The following CACNA2D1 variants were observed in gnomAD, a reference collection of about 807,000 sequenced individuals.
CACNA2D1 encodes voltage-dependent calcium channel subunit alpha-2/delta-1.
CACNA2D1 carries 53 observed loss-of-function variants against 171.5 expected under a neutral mutation model. The observed-to-expected ratio is 0.31, with a 90% CI of 0.25 to 0.39. The LOEUF (loss-of-function observed/expected upper bound fraction) is 0.39, where lower values mean the gene tolerates loss of function less well. Among genes scored for constraint, CACNA2D1 ranks in the 10% least tolerant of loss-of-function variants. CACNA2D1 has a pLI of 1.00. For synonymous variants in CACNA2D1, 442 were observed against 443.1 expected, an observed-to-expected ratio of 1.00 and a Z score of 0.03; for missense variants, 903 against 1,299.8, an observed-to-expected ratio of 0.69 and a Z score of 4.69.
chr7:82,371,732 C>G (rs539068979), intron 1 of CACNA2D1, among the ~76,000 whole-genome samples: 15 of 152,136 alleles, frequency 9.9e-5, no homozygotes, highest in Admixed American at 9.8e-4. Flanking sequence ...ACACCACCAT[C>G]CCCGGCTATT....
intron 3 of CACNA2D1, among the ~76,000 whole-genome samples, chr7:82,301,538 T>C (rs1036769770): frequency 6.6e-6 from 1 of 152,168 alleles, no homozygotes; most frequent in Non-Finnish European, 1.5e-5. Flanking sequence ...AATGTTGCCC[T>C]AACCATACAC....
At position 82,247,772 on chromosome 7, in the gene CACNA2D1, T is replaced by C. The variant is rs557444763; in HGVS notation, c.295-77163A>G. 1.7e-4 allele frequency among the ~76,000 whole-genome samples: 26 copies of C among 152,336 alleles called. No individual in the cohort carries two copies. The South Asian group carries it at 5.4e-3, about 32-fold the overall frequency. On this transcript the variant is annotated intron_variant, in intron 3 of 38. Coordinates refer to ENST00000356860, the MANE Select transcript of CACNA2D1 (RefSeq NM_000722.4). Reference sequence around the variant, plus strand: ...AATTAAACTGGTAATGTTTTAACATTATCAATTCACTATTCAGTAAACCCA... The same window carrying C: ...AATTAAACTGGTAATGTTTTAACATCATCAATTCACTATTCAGTAAACCCA...
Position 82,335,117 on chromosome 7 carries a change from G to C in CACNA2D1, c.294+18C>G. 2 of 1,391,224 alleles carry C rather than the reference G, an allele frequency of 1.4e-6. No homozygotes were observed. Among genetic ancestry groups the C allele is most frequent in the Admixed American group, 1.7e-5 (1 of 59,720 alleles). The allele number at this position is 1,391,224 out of a possible 1,614,324, so 86.2% of individuals were successfully genotyped here. On this transcript the variant is annotated intron_variant, in intron 3 of 38. Coordinates refer to ENST00000356860, the MANE Select transcript of CACNA2D1 (RefSeq NM_000722.4). Reference sequence around the variant, plus strand: ...AGTAAGGAAAATAATAAAATGAGCAGATCCAATTTAAACTCACCACCAGGG... The same window carrying C: ...AGTAAGGAAAATAATAAAATGAGCACATCCAATTTAAACTCACCACCAGGG...
chr7:81,963,862 C>A (rs1794426081), intron 34 of CACNA2D1, among the ~76,000 whole-genome samples, 194 bp downstream of exon 34: 1 of 151,906 alleles, frequency 6.6e-6, no homozygotes, highest in African/African-American at 2.4e-5. Flanking sequence ...ATATGAGAAA[C>A]TGAATAATGG....
chr7:82,022,428 T>C (rs748219374), intron 12 of CACNA2D1, among the ~76,000 whole-genome samples: 4 of 151,938 alleles, frequency 2.6e-5, no homozygotes, highest in African/African-American at 9.7e-5. Flanking sequence ...CATCAAAATA[T>C]CTGAAACAAA....
rs149358995 is a variant in CACNA2D1, at chr7:82,335,715, T to C, written c.178-464A>G. On this transcript the variant is annotated intron_variant, in intron 2 of 38. Coordinates refer to ENST00000356860, the MANE Select transcript of CACNA2D1 (RefSeq NM_000722.4). ...GAGAGAATACATATAAAGCCCCTGC[T>C]AATATTCATCTAGATAACAAGAGGA... Among the ~76,000 whole-genome samples the C allele has an allele frequency of 2.3e-3, 357 of 152,312 alleles. 3 individuals are homozygous for C. Among genetic ancestry groups the C allele is most frequent in the African/African-American group, 8.1e-3 (338 of 41,548 alleles).
chr7:82,002,263 C>T (rs970169205), intron 18 of CACNA2D1, among the ~76,000 whole-genome samples: 2 of 152,050 alleles, frequency 1.3e-5, no homozygotes, highest in Non-Finnish European at 2.9e-5. Context: ...CGTCTCACCC[C>T]TTCTCCTCCA....
chr7:82,083,538 C>G (rs1211533773), intron 7 of CACNA2D1, among the ~76,000 whole-genome samples: 1 of 151,866 alleles, frequency 6.6e-6, no homozygotes, highest in East Asian at 1.9e-4. Context: ...CTAAAGTGAA[C>G]AATATTCCAT....
At chr7:82,290,409 C>T (rs150704711) in intron 3 of CACNA2D1, among the ~76,000 whole-genome samples, 1 of 151,990 alleles carries the variant, frequency 6.6e-6, no homozygotes, top group Non-Finnish European at 1.5e-5. Context: ...CTAGACAAGA[C>T]GTAAGAGTCC....
chr7:82,137,979 A>G (rs1258009959), intron 4 of CACNA2D1, among the ~76,000 whole-genome samples: 1 of 152,146 alleles, frequency 6.6e-6, no homozygotes, highest in Non-Finnish European at 1.5e-5. Flanking sequence ...CCCCGCAAAA[A>G]TCACTACTTC....
Position 82,385,646 on chromosome 7 carries a change from G to GGTTGTTTTGTTTTGTTTTGTTGTTTCTT in CACNA2D1, c.96-35998_96-35997insAAGAAACAACAAAACAAAACAAAACAAC, listed in dbSNP as rs1554535409. Among the ~76,000 whole-genome samples, 1,175 of 141,716 alleles carry GGTTGTTTTGTTTTGTTTTGTTGTTTCTT rather than the reference G, an allele frequency of 8.3e-3. 7 individuals are homozygous for GGTTGTTTTGTTTTGTTTTGTTGTTTCTT. The highest frequency in any genetic ancestry group is 0.023 in the African/African-American group (795 of 34,882). 93.0% of individuals were successfully genotyped at this position (141,716 alleles called of 152,430 possible). A position where few individuals can be genotyped will look rare whatever the true frequency, so the allele number is the denominator to read the frequency against. Reference sequence around the variant, plus strand: ...AGACATTATATTTAAGGGGTTTTTTGGTTGTTTTGTTTTGTTTTGTTTTGT... The same window carrying GGTTGTTTTGTTTTGTTTTGTTGTTTCTT: ...AGACATTATATTTAAGGGGTTTTTTGGTTGTTTTGTTTTGTTTTGTTGTTTCTTGTTGTTTTGTTTTGTTTTGTTTTGT... On this transcript the variant is annotated intron_variant, in intron 1 of 38. Transcript: ENST00000356860.
At chr7:82,157,251 A>C (rs970996604) in intron 4 of CACNA2D1, among the ~76,000 whole-genome samples, 1 of 152,110 alleles carries the variant, frequency 6.6e-6, no homozygotes, top group African/African-American at 2.4e-5. Context: ...AAAAGAAACA[A>C]AATCAAGTAG....
chr7:81,962,218 G>T (rs985865695), intron 35 of CACNA2D1, among the ~76,000 whole-genome samples, 195 bp from the exon 36 acceptor site: 1 of 151,812 alleles, frequency 6.6e-6, no homozygotes, highest in Non-Finnish European at 1.5e-5. Context: ...GAGAATAAAT[G>T]AATTCAAATA....
intron 3 of CACNA2D1, among the ~76,000 whole-genome samples, chr7:82,218,167 C>T (rs1230178521): frequency 6.6e-6 from 1 of 152,058 alleles, no homozygotes; most frequent in African/African-American, 2.4e-5. Context: ...ATCTCCTGAC[C>T]TCGTGATCCA....
intron 10 of CACNA2D1, among the ~76,000 whole-genome samples, chr7:82,045,521 C>G (rs1042436090): frequency 1.1e-4 from 16 of 152,218 alleles, no homozygotes; most frequent in African/African-American, 3.9e-4. Flanking sequence ...TTCCCCAACA[C>G]TATGAGGTGA....
At chr7:82,093,131 C>T (rs2129021674) in intron 6 of CACNA2D1, among the ~76,000 whole-genome samples, 1 of 152,280 alleles carries the variant, frequency 6.6e-6, no homozygotes, top group Admixed American at 6.5e-5. Context: ...ATTATCCACC[C>T]TCTCACAGAC....
intron 12 of CACNA2D1, among the ~76,000 whole-genome samples, chr7:82,022,318 T>C (rs970353644): frequency 6.6e-6 from 1 of 151,838 alleles, no homozygotes; most frequent in African/African-American, 2.4e-5. Flanking sequence ...ATTGTAGTTA[T>C]TGTTTTCAGC....
At chr7:82,428,114 A>C (rs550011769) in intron 1 of CACNA2D1, among the ~76,000 whole-genome samples, 42 of 152,220 alleles carry the variant, frequency 2.8e-4, no homozygotes, top group African/African-American at 8.7e-4. Context: ...AAATAAAAAA[A>C]AAACAAACAA....
At chr7:82,157,026 A>C (rs1261045601) in intron 4 of CACNA2D1, among the ~76,000 whole-genome samples, 1 of 152,064 alleles carries the variant, frequency 6.6e-6, no homozygotes, top group African/African-American at 2.4e-5. Flanking sequence ...CTGTTGGAGG[A>C]TACGGCTCCA....
Sources: allele counts gnomAD v4.1 joint callset (sites outside exome capture counted in the v4.1 genomes callset), GRCh38; gene constraint gnomAD v4.1.1; transcripts MANE v1.5; gene names NCBI Gene and HGNC (gene_info 2026-07-23, HGNC 2026-07-21).